ALG9: variants seen among roughly 807,000 people sequenced by gnomAD.
ALG9 encodes the protein alpha-1,2-mannosyltransferase ALG9.
In ALG9, 55 loss-of-function variants were observed where a neutral mutation model predicts 81.8. The ratio of observed to expected loss-of-function variants is 0.67; its 90% CI spans 0.54 to 0.84. The LOEUF is 0.84. Among genes scored for constraint, ALG9 ranks in the 40% least tolerant of loss-of-function variants. ALG9 has a pLI of 0.00. For synonymous variants in ALG9, 278 were observed against 274.3 expected (o/e 1.01, Z -0.13); for missense variants, 629 against 745.0 (o/e 0.84, Z 1.81).
chr11:111,821,881 G>A (rs1219485893), intron 13 of ALG9, among the ~76,000 whole-genome samples: 2 of 152,072 alleles, frequency 1.3e-5, no homozygotes, highest in Admixed American at 6.6e-5. Flanking sequence ...TGATCCGCCT[G>A]CCTCGGCCTC....
chr11:111,860,063 T>C (rs559199559), intron 5 of ALG9, among the ~76,000 whole-genome samples: 131 of 152,296 alleles, frequency 8.6e-4, no homozygotes, highest in African/African-American at 3.1e-3. Context: ...AAGATGCACA[T>C]AGAATACATA....
chr11:111,816,210 C>T (rs1212166985), intron 13 of ALG9, among the ~76,000 whole-genome samples: 3 of 151,732 alleles, frequency 2.0e-5, no homozygotes, highest in African/African-American at 4.8e-5. Flanking sequence ...AATTGCAGAT[C>T]AAAAAGCAAA....
chr11:111,776,583 A>G, the ALG9 span, among the ~76,000 whole-genome samples: 1 of 152,274 alleles, frequency 6.6e-6, no homozygotes, highest in East Asian at 1.9e-4. Flanking sequence ...GCGAGACTCT[A>G]TCTCAAAAAA....
At chr11:111,776,209 T>C in the ALG9 span, among the ~76,000 whole-genome samples, 8 of 152,038 alleles carry the variant, frequency 5.3e-5, no homozygotes, top group African/African-American at 1.9e-4. Context: ...AATAAAAATC[T>C]TGACATATAG....
intron 5 of ALG9, 23 bp from the exon 6 acceptor site, chr11:111,857,760 A>C (rs1555144535): frequency 6.2e-7 from 1 of 1,613,696 alleles, no homozygotes; most frequent in Non-Finnish European, 8.5e-7. Flanking sequence ...AGAAGTGAAA[A>C]AAGGCAGGAG....
intron 13 of ALG9, chr11:111,814,795 T>C (rs148108754): frequency 6.6e-6 from 1 of 152,328 alleles, no homozygotes; most frequent in East Asian, 1.9e-4. Context: ...AAATGATCCT[T>C]TGCATAAACA....
intron 14 of ALG9, chr11:111,788,479 C>G (rs1296947712): frequency 2.2e-6 from 1 of 453,914 alleles, no homozygotes; most frequent in Non-Finnish European, 4.4e-6. Flanking sequence ...CACGGTGGCT[C>G]AGGCCTGTAA....
At chr11:111,828,165 G>A (rs1953706768) in intron 13 of ALG9, among the ~76,000 whole-genome samples, 1 of 152,172 alleles carries the variant, frequency 6.6e-6, no homozygotes. Context: ...CTGCACTCCA[G>A]CCTGGGTGAC....
intron 14 of ALG9, chr11:111,805,395 CA>C (rs782434485): frequency 2.2e-5 from 10 of 446,524 alleles, no homozygotes; most frequent in Non-Finnish European, 4.5e-5. Flanking sequence ...AGACCAATGT[CA>C]AAACTTGGAA....
chr11:111,827,637 C>T (rs939748621), intron 13 of ALG9, among the ~76,000 whole-genome samples: 18 of 151,982 alleles, frequency 1.2e-4, no homozygotes, highest in Non-Finnish European at 2.5e-4. Context: ...GAGGCCAAGG[C>T]AGGTGGATCA....
At chr11:111,870,416 A>G (rs1555157458) in intron 1 of ALG9, 46 bp from the exon 2 acceptor site, 2 of 1,494,986 alleles carry the variant, frequency 1.3e-6, no homozygotes, top group African/African-American at 2.9e-5. Flanking sequence ...CATGTCAGGA[A>G]GGACCTGCTA....
intron 8 of ALG9, among the ~76,000 whole-genome samples, chr11:111,848,117 C>T (rs1202781001): frequency 6.6e-6 from 1 of 152,100 alleles, no homozygotes; most frequent in African/African-American, 2.4e-5. Flanking sequence ...GGCATATTCC[C>T]CACCATCTCA....
chr11:111,857,255 A>G (rs886792423), intron 6 of ALG9, among the ~76,000 whole-genome samples: 6 of 152,344 alleles, frequency 3.9e-5, no homozygotes, highest in Non-Finnish European at 8.8e-5. Flanking sequence ...CTGGATTCAA[A>G]AGCAAACATA....
chr11:111,852,368 T>G (rs1162899247), intron 8 of ALG9, among the ~76,000 whole-genome samples: 1 of 152,170 alleles, frequency 6.6e-6, no homozygotes, highest in Non-Finnish European at 1.5e-5. Flanking sequence ...CGCAAATTCC[T>G]TCAGGGGCCA....
At chr11:111,790,533 T>C (rs1358075310) in intron 14 of ALG9, among the ~76,000 whole-genome samples, 3 of 152,188 alleles carry the variant, frequency 2.0e-5, no homozygotes, top group African/African-American at 7.2e-5. Context: ...TGCATTATTG[T>C]TGAGTTCAAA....
intron 3 of ALG9, among the ~76,000 whole-genome samples, chr11:111,867,549 T>C (rs151075191): frequency 3.9e-5 from 6 of 152,068 alleles, no homozygotes; most frequent in South Asian, 2.1e-4. Flanking sequence ...AAAAAGTACA[T>C]AGAACAAACT....
Position 111,871,536 on chromosome 11 carries a change from G to T in ALG9, c.-54C>A. The stretch of plus-strand genomic sequence containing the variant: ...ACCCTATGAAGTCGGTGAGCGCGCA[G>T]ACATAGCTTTGGCTGGCAAACGGTG... On this transcript the variant is annotated 5_prime_UTR_variant, in exon 1 of 15. It adds an upstream start codon to the 5' untranslated region. Transcript: ENST00000616540. 2.6e-6 allele frequency: 4 copies of T among 1,534,582 alleles called. No individual in the cohort carries two copies. In the South Asian group the frequency reaches 3.6e-5, roughly 14 times the overall value.
intron 2 of ALG9, 151 bp downstream of exon 2, chr11:111,870,081 G>T: frequency 1.1e-6 from 1 of 938,324 alleles, no homozygotes; most frequent in Non-Finnish European, 1.5e-6. Context: ...CAAAGTGCTG[G>T]GATTATAGGC....
intron 6 of ALG9, among the ~76,000 whole-genome samples, chr11:111,854,855 T>C (rs374769481): frequency 1.6e-4 from 25 of 152,366 alleles, no homozygotes; most frequent in African/African-American, 6.0e-4. Context: ...TTCTAAAATA[T>C]CAGCAGTATC....
Sources: gnomAD v4.1 joint callset for allele counts (sites outside exome capture counted in the v4.1 genomes callset) on GRCh38, gnomAD v4.1.1 for gene constraint, MANE v1.5 for transcripts, NCBI Gene and HGNC (gene_info 2026-07-23, HGNC 2026-07-21) for gene names.